FERMT1: variants seen among roughly 807,000 people sequenced by gnomAD.
FERMT1 encodes the protein fermitin family homolog 1.
Under a neutral mutation model 85.3 loss-of-function variants are expected in FERMT1, and 60 were observed. The ratio of observed to expected loss-of-function variants is 0.70; its 90% CI spans 0.57 to 0.87. The LOEUF (loss-of-function observed/expected upper bound fraction) is 0.87, where lower values mean the gene tolerates loss of function less well. Among genes scored for constraint, FERMT1 ranks in the 40% least tolerant of loss-of-function variants. The probability of loss-of-function intolerance (pLI) is 0.00; values close to 1 mark genes in which losing one functional copy is unlikely to be tolerated. For missense variants in FERMT1, 701 were observed against 818.9 expected, an observed-to-expected ratio of 0.86 and a Z score of 1.76; for synonymous variants, 275 against 301.1, an observed-to-expected ratio of 0.91 and a Z score of 0.90.
chr20:6,087,486 T>A (rs1007446165), intron 11 of FERMT1, among the ~76,000 whole-genome samples: 1 of 152,200 alleles, frequency 6.6e-6, no homozygotes, highest in African/African-American at 2.4e-5. Flanking sequence ...AATTTTTGTA[T>A]TTTTAGTAGA....
Position 6,077,011 on chromosome 20 carries a change from G to C in FERMT1, c.*162C>G. On this transcript the variant is annotated 3_prime_UTR_variant, in exon 15 of 15. Transcript: ENST00000217289. The stretch of plus-strand genomic sequence containing the variant: ...GGTAGCACAGGGCAAAGTAAGGAAA[G>C]GGATGTGCCAGCAGTGGGTTTGAAT... 2.7e-6 allele frequency: 2 copies of C among 732,480 alleles called. No homozygotes were observed. The highest frequency in any genetic ancestry group is 4.8e-6 in the Non-Finnish European group (2 of 418,922). The allele number at this position is 732,480 out of a possible 1,614,324, so 45.4% of individuals were successfully genotyped here.
intron 13 of FERMT1, among the ~76,000 whole-genome samples, chr20:6,080,606 G>A (rs975016156): frequency 6.6e-6 from 1 of 152,218 alleles, no homozygotes; most frequent in African/African-American, 2.4e-5. Flanking sequence ...GGAGGAGGAG[G>A]CGGAAGAAGT....
chr20:6,116,566 A>G (rs1296785292), intron 2 of FERMT1, among the ~76,000 whole-genome samples: 1 of 151,956 alleles, frequency 6.6e-6, no homozygotes, highest in East Asian at 1.9e-4. Context: ...TGTCTCTACT[A>G]AAAATACAAA....
At position 6,086,793 on chromosome 20, in the gene FERMT1, C is replaced by T. The variant is rs146267036; in HGVS notation, c.1371+984G>A. On this transcript the variant is annotated intron_variant, in intron 11 of 14. Coordinates refer to ENST00000217289, the MANE Select transcript of FERMT1 (RefSeq NM_017671.5). The stretch of plus-strand genomic sequence containing the variant: ...ATGTGCTTGCTTCCCCTTCACCTTC[C>T]GCTAAGATTGTAAGTTTCCTGAGGC... Among the ~76,000 whole-genome samples the T allele has an allele frequency of 2.7e-4, 41 of 152,280 alleles. No individual in the cohort carries two copies. The South Asian group carries it at 6.0e-3, about 22-fold the overall frequency.
intron 2 of FERMT1, 22 bp from the exon 3 acceptor site, chr20:6,116,066 T>C: frequency 6.4e-7 from 1 of 1,563,248 alleles, no homozygotes; most frequent in Non-Finnish European, 8.8e-7. Flanking sequence ...AAAGCACAAT[T>C]AAGTAAAATG....
intron 13 of FERMT1, among the ~76,000 whole-genome samples, chr20:6,081,350 A>T (rs1485889658): frequency 6.6e-6 from 1 of 152,068 alleles, no homozygotes; most frequent in African/African-American, 2.4e-5. Context: ...CCAGCCAAGG[A>T]GACCAAAAGA....
At chr20:6,088,001 A>C in intron 10 of FERMT1, 118 bp from the exon 11 acceptor site, 1 of 718,432 alleles carries the variant, frequency 1.4e-6, no homozygotes, top group Non-Finnish European at 2.5e-6. Flanking sequence ...TTTGGTTTTG[A>C]AAAATGGAGG....
intron 5 of FERMT1, among the ~76,000 whole-genome samples, chr20:6,109,282 C>T (rs1568663213): frequency 6.6e-6 from 1 of 152,170 alleles, no homozygotes; most frequent in South Asian, 2.1e-4. Context: ...GAAGGTAATA[C>T]TTGAGCAGGA....
intron 13 of FERMT1, among the ~76,000 whole-genome samples, chr20:6,081,238 T>G (rs1382751022): frequency 6.7e-6 from 1 of 150,076 alleles, no homozygotes; most frequent in African/African-American, 2.5e-5. Flanking sequence ...ATTGTGCCAC[T>G]GTGACAGAGT....
rs759483765 is a variant in FERMT1 at position 6,097,530 on chromosome 20, A to G, written c.951T>C (p.Ala317=). 1 of 1,610,586 alleles carries G rather than the reference A, an allele frequency of 6.2e-7. No individual in the cohort carries two copies. Among genetic ancestry groups the G allele is most frequent in the Non-Finnish European group, 8.5e-7 (1 of 1,176,766 alleles). ...CTEEEMLIFA[A]LQYHISKLSL... is the part of the protein sequence containing the mutation. ...GGTACTGAAGTTCCCATACCTGTAG[A>G]GCTGCAAAGATCAACATTTCTTCCT... The change falls in exon 7 of 15, where the codon GCT becomes GCC. Residue 317 remains alanine (A), a synonymous_variant. Coordinates refer to ENST00000217289, the MANE Select transcript of FERMT1 (RefSeq NM_017671.5).
chr20:6,100,257 T>C (rs577894175), intron 6 of FERMT1, among the ~76,000 whole-genome samples: 1 of 152,196 alleles, frequency 6.6e-6, no homozygotes, highest in East Asian at 1.9e-4. Context: ...TTAGTTAGCA[T>C]TAAAAAGACA....
chr20:6,092,404 A>T (rs547425591), intron 9 of FERMT1, among the ~76,000 whole-genome samples: 27 of 152,162 alleles, frequency 1.8e-4, no homozygotes, highest in African/African-American at 6.0e-4. Context: ...TTAACCAGGC[A>T]TGGTGGCACA....
chr20:6,110,242 A>G (rs1982906653), intron 5 of FERMT1, 56 bp downstream of exon 5: 5 of 1,420,562 alleles, frequency 3.5e-6, no homozygotes, highest in Non-Finnish European at 4.9e-6. Flanking sequence ...GTGACATCCC[A>G]TCTCTTACTG....
intron 6 of FERMT1, among the ~76,000 whole-genome samples, chr20:6,102,181 C>T (rs894194429): frequency 6.6e-5 from 10 of 151,980 alleles, no homozygotes; most frequent in Non-Finnish European, 1.5e-4. Flanking sequence ...TCTCTGGAGG[C>T]CTGTTCCCAT....
chr20:6,083,344 G>C (rs778954283), intron 13 of FERMT1, among the ~76,000 whole-genome samples: 6 of 152,040 alleles, frequency 3.9e-5, no homozygotes, highest in Non-Finnish European at 8.8e-5. Context: ...GTCTTTCTGG[G>C]GGCAATAGAT....
intron 9 of FERMT1, among the ~76,000 whole-genome samples, chr20:6,093,678 C>T (rs369240782): frequency 5.3e-5 from 8 of 152,152 alleles, no homozygotes; most frequent in African/African-American, 9.7e-5. Flanking sequence ...TGACCCTGAC[C>T]GGGCGTGGTG....
At chr20:6,097,214 T>C (rs1257386211) in intron 7 of FERMT1, among the ~76,000 whole-genome samples, 181 bp from the exon 8 acceptor site, 2 of 152,216 alleles carry the variant, frequency 1.3e-5, no homozygotes, top group African/African-American at 4.8e-5. Context: ...CTGAGGTTCA[T>C]GGTTAGTCAT....
chr20:6,110,633 A>T, intron 4 of FERMT1, 122 bp from the exon 5 acceptor site: 1 of 817,766 alleles, frequency 1.2e-6, no homozygotes, highest in Non-Finnish European at 2.1e-6. Flanking sequence ...CATTTAAAAT[A>T]ATATAAGTCA....
chr20:6,122,492 C>T (rs1231432388), intron 1 of FERMT1, among the ~76,000 whole-genome samples: 1 of 152,204 alleles, frequency 6.6e-6, no homozygotes, highest in Non-Finnish European at 1.5e-5. Context: ...CCCGACCTGT[C>T]TTTTGCCAGC....
Sources: gnomAD v4.1 joint callset for allele counts (sites outside exome capture counted in the v4.1 genomes callset) on GRCh38, gnomAD v4.1.1 for gene constraint, MANE v1.5 for transcripts, NCBI Gene and HGNC (gene_info 2026-07-23, HGNC 2026-07-21) for gene names.